The following MAPKAPK5 variants were observed in gnomAD, a reference collection of about 807,000 sequenced individuals.
MAPKAPK5 encodes the protein MAPK activated protein kinase 5, also known as MAP kinase-activated protein kinase 5.
In MAPKAPK5, 30 loss-of-function variants were observed where a neutral mutation model predicts 65.1. That is an observed-to-expected ratio of 0.46 (90% CI 0.34 to 0.63). The LOEUF (loss-of-function observed/expected upper bound fraction) is 0.63, where lower values mean the gene tolerates loss of function less well. Among genes scored for constraint, MAPKAPK5 ranks in the 20% least tolerant of loss-of-function variants. MAPKAPK5 has a pLI of 0.01. For missense variants in MAPKAPK5, 433 were observed against 581.4 expected, an observed-to-expected ratio of 0.74 and a Z score of 2.63; for synonymous variants, 179 against 204.6, an observed-to-expected ratio of 0.87 and a Z score of 1.07.
intron 1 of MAPKAPK5, among the ~76,000 whole-genome samples, chr12:111,845,133 GT>G (rs996607403): frequency 2.0e-5 from 3 of 150,984 alleles, no homozygotes; most frequent in Non-Finnish European, 4.4e-5. Flanking sequence ...CTCACCCTAT[GT>G]TTTTTTTTGA....
Position 111,899,941 on chromosome 12 carries a change from TGTG to T in MAPKAPK5, c.*6883_*6885del, listed in dbSNP as rs1466868303. On this transcript the variant is annotated 3_prime_UTR_variant, in exon 14 of 14. Transcript: ENST00000550735. ...CATGATCTACAGGCACTGTCCTACT[TGTG>T]GTCACACAAAAAGTACGTGGAGATG... 12 of 456,104 alleles carry T rather than the reference TGTG, an allele frequency of 2.6e-5. No individual in the cohort carries two copies. Among genetic ancestry groups the T allele is most frequent in the Middle Eastern group, 6.5e-4 (2 of 3,070 alleles). The allele number at this position is 456,104 out of a possible 1,614,324, so 28.3% of individuals were successfully genotyped here.
intron 7 of MAPKAPK5, among the ~76,000 whole-genome samples, chr12:111,871,553 G>GAATC (rs562345158): frequency 1.2e-3 from 185 of 152,290 alleles, no homozygotes; most frequent in Middle Eastern, 0.01. Context: ...TGAGGCAGGA[G>GAATC]AATCGCTTGA....
At chr12:111,877,595 C>T (rs1031581691) in intron 7 of MAPKAPK5, among the ~76,000 whole-genome samples, 1 of 152,172 alleles carries the variant, frequency 6.6e-6, no homozygotes, top group African/African-American at 2.4e-5. Flanking sequence ...AGTGTCTGTT[C>T]AGACCTTTTC....
At chr12:111,882,225 A>G (rs2070258530) in intron 8 of MAPKAPK5, among the ~76,000 whole-genome samples, 1 of 152,122 alleles carries the variant, frequency 6.6e-6, no homozygotes, top group Non-Finnish European at 1.5e-5. Flanking sequence ...CTAAAAATAC[A>G]AAAAATTAGC....
intron 2 of MAPKAPK5, among the ~76,000 whole-genome samples, chr12:111,865,859 G>T (rs935564553): frequency 1.5e-5 from 2 of 135,226 alleles, no homozygotes; most frequent in Admixed American, 7.2e-5. Context: ...AAAAAAAAAA[G>T]GGTGTCGAGA....
chr12:111,886,339 A>G (rs894318073), intron 10 of MAPKAPK5, among the ~76,000 whole-genome samples: 7 of 152,210 alleles, frequency 4.6e-5, no homozygotes, highest in Admixed American at 2.0e-4. Context: ...GGGTTTAAAT[A>G]AGACTGGCTG....
At chr12:111,888,774 C>T (rs2070500014) in intron 11 of MAPKAPK5, 111 bp from the exon 12 acceptor site, 14 of 1,513,478 alleles carry the variant, frequency 9.3e-6, no homozygotes, top group Non-Finnish European at 1.2e-5. Context: ...GAGTTGGACA[C>T]TATTGTTATT....
Position 111,843,230 on chromosome 12 carries a change from A to G in MAPKAPK5, c.36+461A>G, listed in dbSNP as rs182387282. ...GGAAAAAGGTGGTTCGCCGTACAAA[A>G]CCTGTCCTTTGGGGAATAGGTTGTC... On this transcript the variant is annotated intron_variant, in intron 1 of 13. Transcript: ENST00000550735. 4 of 398,592 alleles carry G rather than the reference A, an allele frequency of 1.0e-5. No homozygotes were observed. In the East Asian group the frequency reaches 1.4e-4, roughly 14 times the overall value. 24.7% of individuals were successfully genotyped at this position (398,592 alleles called of 1,614,324 possible). A position where few individuals can be genotyped will look rare whatever the true frequency, so the allele number is the denominator to read the frequency against.
intron 1 of MAPKAPK5, among the ~76,000 whole-genome samples, chr12:111,844,424 G>A (rs1018171171): frequency 2.0e-5 from 3 of 150,962 alleles, no homozygotes; most frequent in East Asian, 2.0e-4. Context: ...ATCTCCTGAC[G>A]TCATGATTTG....
In MAPKAPK5 at chr12:111,900,541, G is replaced by A. The variant is rs1271834638; in HGVS notation, c.*7480G>A. ...GGGGCCTGCCTATTTAACAAGCCAC[G>A]GCCCAGGGGCCGCAAGCGTAGGGAT... On this transcript the variant is annotated 3_prime_UTR_variant, in exon 14 of 14. Transcript: ENST00000550735. 1.5e-5 allele frequency: 7 copies of A among 455,974 alleles called. No homozygotes were observed. Among genetic ancestry groups the A allele is most frequent in the Non-Finnish European group, 1.8e-5 (4 of 226,812 alleles). 28.2% of individuals were successfully genotyped at this position (455,974 alleles called of 1,614,324 possible). A position where few individuals can be genotyped will look rare whatever the true frequency, so the allele number is the denominator to read the frequency against.
intron 1 of MAPKAPK5, among the ~76,000 whole-genome samples, chr12:111,847,200 T>G (rs1483846826): frequency 5.9e-5 from 9 of 151,554 alleles, no homozygotes; most frequent in Non-Finnish European, 1.5e-5. Flanking sequence ...AAAAAAAAAT[T>G]AGCTGGGTGT....
chr12:111,861,872 T>C (rs1016384520), intron 1 of MAPKAPK5, among the ~76,000 whole-genome samples: 1 of 152,244 alleles, frequency 6.6e-6, no homozygotes, highest in African/African-American at 2.4e-5. Flanking sequence ...TACACTTTAT[T>C]TGCAAAAACA....
At position 111,899,497 on chromosome 12, in the gene MAPKAPK5, AAAT is replaced by A. The variant is rs1235661967; in HGVS notation, c.*6440_*6442del. 1.1e-5 allele frequency: 2 copies of A among 175,166 alleles called. No homozygotes were observed. The highest frequency in any genetic ancestry group is 4.8e-5 in the African/African-American group (2 of 42,080). 10.9% of individuals were successfully genotyped at this position (175,166 alleles called of 1,614,324 possible). On this transcript the variant is annotated 3_prime_UTR_variant, in exon 14 of 14. Transcript: ENST00000550735. ...GGATCAATCTATTACTCTTTCTATG[AAAT>A]AATTATTCCAAAGAGGCTGACAGTC...
At chr12:111,875,300 G>C (rs2069925573) in intron 7 of MAPKAPK5, among the ~76,000 whole-genome samples, 1 of 152,034 alleles carries the variant, frequency 6.6e-6, no homozygotes, top group South Asian at 2.1e-4. Flanking sequence ...GAGTTTTGTT[G>C]TTGCTATCGT....
At chr12:111,853,307 G>A (rs1408106468) in intron 1 of MAPKAPK5, among the ~76,000 whole-genome samples, 4 of 152,022 alleles carry the variant, frequency 2.6e-5, no homozygotes, top group Non-Finnish European at 5.9e-5. Context: ...GGGAGGTGGA[G>A]CTTATGGTGA....
chr12:111,891,268 A>ATT (rs762982308), intron 13 of MAPKAPK5, among the ~76,000 whole-genome samples: 1 of 133,230 alleles, frequency 7.5e-6, no homozygotes, highest in Non-Finnish European at 1.6e-5. Context: ...TAATTTTTGT[A>ATT]TTTTTTTTTT....
Position 111,846,500 on chromosome 12 carries a change from C to CTT in MAPKAPK5, c.36+3745_36+3746dup, listed in dbSNP as rs200305971. On this transcript the variant is annotated intron_variant, in intron 1 of 13. Transcript: ENST00000550735. ...ATCAATAATTCATAAGTTTCTTTTT[C>CTT]TTTTTTTTTTTTTTTGAGACGGTCT... Among the ~76,000 whole-genome samples, 77 of 107,128 alleles carry CTT rather than the reference C, an allele frequency of 7.2e-4. 1 individual carries two copies. Among genetic ancestry groups the CTT allele is most frequent in the Admixed American group, 5.8e-3 (68 of 11,692 alleles). The allele number at this position is 107,128 out of a possible 152,430, so 70.3% of individuals were successfully genotyped here. A position where few individuals can be genotyped will look rare whatever the true frequency, so the allele number is the denominator to read the frequency against.
intron 2 of MAPKAPK5, 87 bp from the exon 3 acceptor site, chr12:111,866,069 A>G: frequency 9.4e-7 from 1 of 1,061,138 alleles, no homozygotes; most frequent in Non-Finnish European, 1.4e-6. Context: ...CTTGATGAGA[A>G]GTACAAATCT....
intron 1 of MAPKAPK5, among the ~76,000 whole-genome samples, chr12:111,843,817 G>C (rs572207193): frequency 1.3e-5 from 2 of 151,742 alleles, no homozygotes; most frequent in East Asian, 3.9e-4. Flanking sequence ...TTTTTTGTCT[G>C]TTTGTTTGTT....
Sources: gnomAD v4.1 joint callset for allele counts (sites outside exome capture counted in the v4.1 genomes callset) on GRCh38, gnomAD v4.1.1 for gene constraint, MANE v1.5 for transcripts, NCBI Gene and HGNC (gene_info 2026-07-23, HGNC 2026-07-21) for gene names.